Variants in ATP10B observed in about 807,000 individuals in gnomAD.
The protein encoded by ATP10B is phospholipid-transporting ATPase VB.
ATP10B carries 122 observed loss-of-function variants against 141.2 expected under a neutral mutation model. The observed-to-expected ratio is 0.86, with a 90% CI of 0.75 to 1.00. The LOEUF (loss-of-function observed/expected upper bound fraction) is 1.00. ATP10B is among the 50% of genes least tolerant of loss of function. ATP10B has a pLI of 0.00. For missense variants in ATP10B, 1,876 were observed against 1,825.3 expected (o/e 1.03, Z -0.51); for synonymous variants, 685 against 692.0 (o/e 0.99, Z 0.16).
At chr5:160,868,236 C>A in the ATP10B span, among the ~76,000 whole-genome samples, 2 of 152,080 alleles carry the variant, frequency 1.3e-5, no homozygotes, top group African/African-American at 4.8e-5. Context: ...CTTTTTGACT[C>A]TTTTCCTGGA....
Position 160,632,279 on chromosome 5 carries a change from G to GGC in ATP10B, c.1468_1469dup (p.Gln491ProfsTer7). 1 of 1,614,144 alleles carries GGC rather than the reference G, an allele frequency of 6.2e-7. No individual in the cohort carries two copies. Among genetic ancestry groups the GGC allele is most frequent in the Non-Finnish European group, 8.5e-7 (1 of 1,180,016 alleles). ...GGCTTCTCATAGTTGCTGGATCCTG[G>GGC]GCCCATCTAGCCGAGAAGGACAGGC... On this transcript the variant is annotated frameshift_variant, in exon 13 of 26. Transcript: ENST00000327245. LOFTEE classifies it high-confidence loss of function.
the ATP10B span, among the ~76,000 whole-genome samples, chr5:160,926,358 G>A: frequency 6.6e-6 from 1 of 152,098 alleles, no homozygotes; most frequent in African/African-American, 2.4e-5. Context: ...ATTGCTTATG[G>A]GCCCCTAGCT....
intron 3 of ATP10B, among the ~76,000 whole-genome samples, chr5:160,696,200 A>T (rs1581373737): frequency 6.6e-6 from 1 of 152,032 alleles, no homozygotes; most frequent in Non-Finnish European, 1.5e-5. Flanking sequence ...TCTGCCTCCC[A>T]GGTTCAAGTG....
the ATP10B span, among the ~76,000 whole-genome samples, chr5:160,928,069 G>A: frequency 6.6e-6 from 1 of 152,194 alleles, no homozygotes; most frequent in South Asian, 2.1e-4. Flanking sequence ...CTGATATGAG[G>A]TGAGGGTGGG....
At chr5:160,649,336 G>A in intron 7 of ATP10B, 80 bp from the exon 8 acceptor site, 1 of 987,480 alleles carries the variant, frequency 1.0e-6, no homozygotes, top group African/African-American at 1.6e-5. Context: ...GCTAATCACT[G>A]TTAGAACCAT....
rs114491575 is a variant in ATP10B at position 160,851,712 on chromosome 5, G to A, written c.-576+229C>T. ...CAGACTGCAAGCCCTGTTGAGTGAG[G>A]AAGTAGCATTTGCCATCAGCTTATC... On this transcript the variant is annotated intron_variant, in intron 1 of 25. Transcript: ENST00000327245. 6.0e-3 allele frequency among the ~76,000 whole-genome samples: 917 copies of A among 152,276 alleles called. 13 individuals are homozygous for A. Among genetic ancestry groups the A allele is most frequent in the African/African-American group, 0.021 (873 of 41,558 alleles).
chr5:160,787,178 A>G (rs1347328511), intron 1 of ATP10B, among the ~76,000 whole-genome samples: 1 of 151,650 alleles, frequency 6.6e-6, no homozygotes, highest in Non-Finnish European at 1.5e-5. Context: ...ACACATTGAA[A>G]ATTTTTACTT....
intron 24 of ATP10B, among the ~76,000 whole-genome samples, chr5:160,578,771 C>T (rs980438313): frequency 1.3e-5 from 2 of 152,224 alleles, no homozygotes; most frequent in Admixed American, 1.3e-4. Flanking sequence ...GCCACACTGT[C>T]TTCCACAATG....
chr5:160,924,757 T>C, the ATP10B span, among the ~76,000 whole-genome samples: 27 of 152,182 alleles, frequency 1.8e-4, no homozygotes, highest in African/African-American at 6.5e-4. Context: ...ACATTCTAAT[T>C]CAAGAGATTT....
At chr5:160,888,899 G>A in the ATP10B span, among the ~76,000 whole-genome samples, 1 of 152,182 alleles carries the variant, frequency 6.6e-6, no homozygotes, top group Admixed American at 6.5e-5. Flanking sequence ...TCCATTAAAA[G>A]TGTTGCTGAA....
the ATP10B span, among the ~76,000 whole-genome samples, chr5:160,901,367 G>T: frequency 9.2e-5 from 14 of 152,276 alleles, no homozygotes; most frequent in African/African-American, 3.4e-4. Flanking sequence ...CAAGTAAAGA[G>T]TTATGTCTGC....
chr5:160,878,350 A>G, the ATP10B span, among the ~76,000 whole-genome samples: 1 of 151,828 alleles, frequency 6.6e-6, no homozygotes, highest in African/African-American at 2.4e-5. Flanking sequence ...CTGAAACTGG[A>G]TCCCTTCCTT....
In ATP10B at chr5:160,622,923, T is replaced by C. The variant is rs577677712; in HGVS notation, c.1621-338A>G. On this transcript the variant is annotated intron_variant, in intron 13 of 25. Coordinates refer to ENST00000327245, the MANE Select transcript of ATP10B (RefSeq NM_025153.3). ...TACTGTTGCCTCTCACCTTTTTTTT[T>C]CTAATCCTTCCTATGTATCACCTGC... Among the ~76,000 whole-genome samples, 33 of 152,322 alleles carry C rather than the reference T, an allele frequency of 2.2e-4. 1 individual carries two copies. In the South Asian group the frequency reaches 6.4e-3, roughly 30 times the overall value.
chr5:160,669,870 C>T (rs1426829525), intron 7 of ATP10B, among the ~76,000 whole-genome samples: 3 of 128,602 alleles, frequency 2.3e-5, no homozygotes, highest in Non-Finnish European at 4.7e-5. Flanking sequence ...TGCCAAAATG[C>T]TGGGATTACA....
chr5:160,706,406 A>T (rs2127766416), intron 3 of ATP10B, among the ~76,000 whole-genome samples: 1 of 152,312 alleles, frequency 6.6e-6, no homozygotes, highest in Non-Finnish European at 1.5e-5. Context: ...ATTAATATGG[A>T]TTTAATTTGT....
chr5:160,818,995 G>A (rs1303882235), intron 1 of ATP10B, among the ~76,000 whole-genome samples: 2 of 152,268 alleles, frequency 1.3e-5, no homozygotes, highest in African/African-American at 2.4e-5. Context: ...ACCAGGGCCT[G>A]TTGCTGGGGG....
At chr5:160,846,945 C>G (rs894455954) in intron 1 of ATP10B, among the ~76,000 whole-genome samples, 1 of 152,146 alleles carries the variant, frequency 6.6e-6, no homozygotes, top group Admixed American at 6.5e-5. Context: ...TGATCCTATG[C>G]GGTTGAAGCC....
intron 1 of ATP10B, among the ~76,000 whole-genome samples, chr5:160,828,650 G>A (rs71587846): frequency 0.13 from 19,414 of 150,038 alleles, 1,448 homozygotes; most frequent in African/African-American, 0.16. Context: ...TCAGTGTGGC[G>A]ATTCCTCAGG....
chr5:160,868,957 C>T, the ATP10B span, among the ~76,000 whole-genome samples: 1 of 152,054 alleles, frequency 6.6e-6, no homozygotes, highest in East Asian at 1.9e-4. Flanking sequence ...CTGTATTAAC[C>T]ACCGGGGAAA....
Sources: gnomAD v4.1 joint callset for allele counts (sites outside exome capture counted in the v4.1 genomes callset) on GRCh38, gnomAD v4.1.1 for gene constraint, MANE v1.5 for transcripts, NCBI Gene and HGNC (gene_info 2026-07-23, HGNC 2026-07-21) for gene names.